FANCL: variants seen among roughly 807,000 people sequenced by gnomAD.
FANCL encodes E3 ubiquitin-protein ligase FANCL.
In FANCL, 69 loss-of-function variants were observed where a neutral mutation model predicts 59.4. The observed-to-expected ratio is 1.16, with a 90% confidence interval of 0.96 to 1.42. FANCL has a LOEUF of 1.42. FANCL is among the 40% of genes most tolerant of loss of function. FANCL has a pLI of 0.00. For missense variants in FANCL, 519 were observed against 447.2 expected, an observed-to-expected ratio of 1.16 and a Z score of -1.45; for synonymous variants, 180 against 147.1, an observed-to-expected ratio of 1.22 and a Z score of -1.62.
At chr2:58,200,576 A>C (rs1291820509) in intron 6 of FANCL, among the ~76,000 whole-genome samples, 3 of 152,046 alleles carry the variant, frequency 2.0e-5, no homozygotes, top group Non-Finnish European at 2.9e-5. Flanking sequence ...AATAAGACTA[A>C]TGAAATGTTT....
chr2:58,167,927 T>A (rs1416719855), intron 7 of FANCL, among the ~76,000 whole-genome samples: 1 of 152,162 alleles, frequency 6.6e-6, no homozygotes, highest in Non-Finnish European at 1.5e-5. Context: ...ACTGCTTATT[T>A]TGTCCATTAA....
intron 7 of FANCL, among the ~76,000 whole-genome samples, chr2:58,189,977 G>C (rs1688768178): frequency 6.6e-6 from 1 of 151,584 alleles, no homozygotes; most frequent in African/African-American, 2.4e-5. Context: ...TAGAATAAGA[G>C]AATATTAAGA....
intron 5 of FANCL, among the ~76,000 whole-genome samples, chr2:58,218,775 T>C (rs72618694): frequency 0.26 from 39,750 of 151,836 alleles, 6,318 homozygotes; most frequent in South Asian, 0.4. Flanking sequence ...TTTCTCCCTG[T>C]TGGAGTATGA....
chr2:58,195,246 T>C (rs1295830657), intron 7 of FANCL, among the ~76,000 whole-genome samples: 6 of 152,282 alleles, frequency 3.9e-5, no homozygotes, highest in Admixed American at 1.3e-4. Flanking sequence ...ACTCTTATCA[T>C]GTCTAAAAGA....
chr2:58,195,825 T>C (rs572963676), intron 7 of FANCL, among the ~76,000 whole-genome samples: 1 of 152,224 alleles, frequency 6.6e-6, no homozygotes, highest in South Asian at 2.1e-4. Flanking sequence ...TATAAACTTA[T>C]ACAACAATCT....
At position 58,163,088 on chromosome 2, in the gene FANCL, A is replaced by G. The variant is rs778782244; in HGVS notation, c.776-14T>C. 1.9e-6 allele frequency: 3 copies of G among 1,608,502 alleles called. No individual in the cohort carries two copies. The highest frequency in any genetic ancestry group is 2.5e-6 in the Non-Finnish European group (3 of 1,176,778). On this transcript the variant is annotated splice_polypyrimidine_tract_variant and intron_variant, in intron 9 of 13. Coordinates refer to ENST00000233741, the MANE Select transcript of FANCL (RefSeq NM_018062.4). ...GGGGTTTTACCACTTCAGATTAAAA[A>G]AAAAAAATTTAATAATTGCATGCTC...
chr2:58,232,206 CT>C (rs1457827977), intron 1 of FANCL, 94 bp from the exon 2 acceptor site: 15 of 1,034,792 alleles, frequency 1.4e-5, no homozygotes, highest in Non-Finnish European at 2.2e-5. Flanking sequence ...CAATGTTTTC[CT>C]TTATTTTCTA....
intron 7 of FANCL, among the ~76,000 whole-genome samples, chr2:58,174,258 G>A (rs933347375): frequency 3.3e-5 from 5 of 152,102 alleles, no homozygotes; most frequent in African/African-American, 1.2e-4. Flanking sequence ...GGATACCCAG[G>A]AATTGAACTC....
chr2:58,190,039 C>G (rs757325992), intron 7 of FANCL, among the ~76,000 whole-genome samples: 1 of 151,878 alleles, frequency 6.6e-6, no homozygotes, highest in Non-Finnish European at 1.5e-5. Context: ...ATATCTCCAT[C>G]AGGTATCTTT....
At chr2:58,199,926 A>C (rs532932547) in intron 6 of FANCL, among the ~76,000 whole-genome samples, 4 of 152,086 alleles carry the variant, frequency 2.6e-5, no homozygotes, top group Non-Finnish European at 4.4e-5. Context: ...AGTATTTAAC[A>C]AACATTTGAA....
chr2:58,241,375 TCCGCTGGCGCTCGGACG>T, upstream of FANCL: 1 of 1,531,332 alleles, frequency 6.5e-7, no homozygotes, highest in Non-Finnish European at 9.0e-7. Context: ...ACATGCGCAG[TCCGCTGGCGCTCGGACG>T]CCGCGGAGCG....
rs1685873746 is a variant in FANCL at position 58,165,759 on chromosome 2, G to A, written c.656C>T (p.Pro219Leu). Reference sequence around the variant, plus strand: ...TCTGCGTGCTGTTGCACTCCGTGGAGGTTTTTCTGGCTCAAGTACCCAGGT... The same window carrying A: ...TCTGCGTGCTGTTGCACTCCGTGGAAGTTTTTCTGGCTCAAGTACCCAGGT... ...EKTWVLEPEK[P>L]PRSATARRIA... The change falls in exon 8 of 14, where the codon CCT (proline) becomes CTT (leucine). Residue 219 changes from proline (P) to leucine (L), a missense_variant. By Grantham distance (98) the Pro-to-Leu change is moderately conservative. Coordinates refer to ENST00000233741, the MANE Select transcript of FANCL (RefSeq NM_018062.4). 6.2e-7 allele frequency: 1 copy of A among 1,614,028 alleles called. No individual in the cohort carries two copies. Among genetic ancestry groups the A allele is most frequent in the South Asian group, 1.1e-5 (1 of 91,078 alleles).
At chr2:58,239,470 A>G (rs1694316286) in intron 1 of FANCL, among the ~76,000 whole-genome samples, 1 of 152,156 alleles carries the variant, frequency 6.6e-6, no homozygotes, top group African/African-American at 2.4e-5. Context: ...AAAAAACACA[A>G]ACAGACTGAG....
chr2:58,193,905 A>G (rs971723608), intron 7 of FANCL, among the ~76,000 whole-genome samples: 4 of 152,300 alleles, frequency 2.6e-5, no homozygotes, highest in Admixed American at 2.6e-4. Flanking sequence ...TCTGAATAAT[A>G]CAATTAAATT....
intron 5 of FANCL, among the ~76,000 whole-genome samples, chr2:58,211,241 C>T (rs573464226): frequency 4.3e-4 from 66 of 152,320 alleles, no homozygotes; most frequent in Non-Finnish European, 8.1e-4. Flanking sequence ...GACTTCTGTG[C>T]ACCCACAGGC....
intron 7 of FANCL, chr2:58,194,363 T>C (rs749766976): frequency 6.4e-6 from 3 of 466,210 alleles, no homozygotes; most frequent in Non-Finnish European, 1.3e-5. Flanking sequence ...CAGTCAAGAG[T>C]ATTTACACAT....
intron 7 of FANCL, 143 bp downstream of exon 7, chr2:58,198,451 C>T (rs912925502): frequency 4.6e-6 from 3 of 653,798 alleles, no homozygotes; most frequent in East Asian, 5.5e-5. Context: ...AAACAAAGTC[C>T]CATTTATATA....
chr2:58,163,096 T>C, intron 9 of FANCL, 22 bp from the exon 10 acceptor site: 1 of 1,535,994 alleles, frequency 6.5e-7, no homozygotes. Flanking sequence ...AAAAAAAAAA[T>C]TTAATAATTG....
Position 58,159,407 on chromosome 2 carries a change from AC to A in FANCL, c.*357del. 1 of 1,613,564 alleles carries A rather than the reference AC, an allele frequency of 6.2e-7. No individual in the cohort carries two copies. The highest frequency in any genetic ancestry group is 8.5e-7 in the Non-Finnish European group (1 of 1,179,706). On this transcript the variant is annotated 3_prime_UTR_variant, in exon 14 of 14. Coordinates refer to ENST00000233741, the MANE Select transcript of FANCL (RefSeq NM_018062.4). ...TCTCAAGAACCTTTGAATGAAGTAAACAGTTTCCCACAAAAAATCAGCTATA... is the reference window on the plus strand; with the variant it reads ...TCTCAAGAACCTTTGAATGAAGTAAAAGTTTCCCACAAAAAATCAGCTATA...
Sources: allele counts gnomAD v4.1 joint callset (sites outside exome capture counted in the v4.1 genomes callset), GRCh38; gene constraint gnomAD v4.1.1; transcripts MANE v1.5; gene names NCBI Gene and HGNC (gene_info 2026-07-23, HGNC 2026-07-21).